PCSK2: variants seen among roughly 807,000 people sequenced by gnomAD.
The protein encoded by PCSK2 is proprotein convertase subtilisin/kexin type 2, also known as neuroendocrine convertase 2.
A neutral mutation model predicts 69.7 loss-of-function variants in PCSK2; 14 were observed. The ratio of observed to expected loss-of-function variants is 0.20; its 90% CI spans 0.13 to 0.31. PCSK2 has a LOEUF of 0.31. PCSK2 is among the 10% of genes least tolerant of loss of function. PCSK2 has a pLI of 1.00. For synonymous variants in PCSK2, 307 were observed against 320.7 expected, an observed-to-expected ratio of 0.96 and a Z score of 0.46; for missense variants, 544 against 842.5, an observed-to-expected ratio of 0.65 and a Z score of 4.39.
At chr20:17,347,845 A>AGG (rs1555789949) in intron 2 of PCSK2, among the ~76,000 whole-genome samples, 1 of 133,046 alleles carries the variant, frequency 7.5e-6, no homozygotes, top group Non-Finnish European at 1.6e-5. Context: ...AGAAAGAAAG[A>AGG]AAGAAAGAAA....
Position 17,337,797 on chromosome 20 carries a change from T to C in PCSK2, c.283-20530T>C, listed in dbSNP as rs1269594852. Among the ~76,000 whole-genome samples the C allele has an allele frequency of 2.0e-5, 3 of 151,606 alleles. No homozygotes were observed. The East Asian group carries it at 5.8e-4, about 29-fold the overall frequency. Reference sequence around the variant, plus strand: ...TTTTTTAATTAGCCAGGTATGGTGGTGCATGCCTGTAGTCCCTGCTACTCA... The same window carrying C: ...TTTTTTAATTAGCCAGGTATGGTGGCGCATGCCTGTAGTCCCTGCTACTCA... On this transcript the variant is annotated intron_variant, in intron 2 of 11. Transcript: ENST00000262545.
At position 17,263,408 on chromosome 20, in the gene PCSK2, C is replaced by A. The variant is rs541226612; in HGVS notation, c.282+3064C>A. Among the ~76,000 whole-genome samples the A allele has an allele frequency of 2.6e-5, 4 of 152,330 alleles. No individual in the cohort carries two copies. In the South Asian group the frequency reaches 6.2e-4, roughly 24 times the overall value. ...TTCCTGCTAAAAGATTAGCTGACTGCCAAGTATCATCATTTAGATGCTAAA... is the reference window on the plus strand; with the variant it reads ...TTCCTGCTAAAAGATTAGCTGACTGACAAGTATCATCATTTAGATGCTAAA... On this transcript the variant is annotated intron_variant, in intron 2 of 11. Transcript: ENST00000262545.
At chr20:17,418,355 T>A (rs1600564448) in intron 6 of PCSK2, among the ~76,000 whole-genome samples, 1 of 152,064 alleles carries the variant, frequency 6.6e-6, no homozygotes, top group East Asian at 1.9e-4. Flanking sequence ...TAGGTAGAGT[T>A]GGGAGTAGGG....
In PCSK2 at chr20:17,347,966, G is replaced by A. The variant is rs55937739; in HGVS notation, c.283-10361G>A. Among the ~76,000 whole-genome samples, 2 of 53,540 alleles carry A rather than the reference G, an allele frequency of 3.7e-5. 1 individual carries two copies. Among genetic ancestry groups the A allele is most frequent in the African/African-American group, 1.2e-4 (2 of 17,386 alleles). 35.1% of individuals were successfully genotyped at this position (53,540 alleles called of 152,430 possible). On this transcript the variant is annotated intron_variant, in intron 2 of 11. Coordinates refer to ENST00000262545, the MANE Select transcript of PCSK2 (RefSeq NM_002594.5). Reference sequence around the variant, plus strand: ...AAAGAAAGAAAGAAAGAAAGAGAAAGAAAGAAAGAAAGAAAGAGGAGAGAG... The same window carrying A: ...AAAGAAAGAAAGAAAGAAAGAGAAAAAAAGAAAGAAAGAAAGAGGAGAGAG...
chr20:17,231,718 T>G (rs188341103), intron 1 of PCSK2, among the ~76,000 whole-genome samples: 1 of 152,336 alleles, frequency 6.6e-6, no homozygotes, highest in Admixed American at 6.5e-5. Context: ...ACATTTTAGT[T>G]GGGTCCTCTG....
intron 2 of PCSK2, among the ~76,000 whole-genome samples, chr20:17,306,845 T>C (rs1989342469): frequency 1.3e-5 from 2 of 152,204 alleles, no homozygotes. Context: ...CACAACTCTT[T>C]TGCCATTAAG....
At chr20:17,341,162 C>A (rs1282592679) in intron 2 of PCSK2, among the ~76,000 whole-genome samples, 1 of 152,168 alleles carries the variant, frequency 6.6e-6, no homozygotes, top group Non-Finnish European at 1.5e-5. Context: ...ATCACTTGAA[C>A]CCAGGAGACA....
intron 2 of PCSK2, among the ~76,000 whole-genome samples, chr20:17,352,851 C>T (rs1293393768): frequency 6.6e-6 from 1 of 151,964 alleles, no homozygotes; most frequent in African/African-American, 2.4e-5. Flanking sequence ...GACAGGCGGA[C>T]CTAATTAAGG....
rs567592680 is a variant in PCSK2 at position 17,466,996 on chromosome 20, C to T, written c.1430+1443C>T. Reference sequence around the variant, plus strand: ...TCATTCTACCTTGAGAATACACCTCCGTGGCTTACATCATTTAAATGGTGG... The same window carrying T: ...TCATTCTACCTTGAGAATACACCTCTGTGGCTTACATCATTTAAATGGTGG... On this transcript the variant is annotated intron_variant, in intron 11 of 11. Coordinates refer to ENST00000262545, the MANE Select transcript of PCSK2 (RefSeq NM_002594.5). Among the ~76,000 whole-genome samples, 9 of 152,316 alleles carry T rather than the reference C, an allele frequency of 5.9e-5. No homozygotes were observed. In the South Asian group the frequency reaches 1.9e-3, roughly 32 times the overall value.
At chr20:17,408,557 T>C (rs991239230) in intron 5 of PCSK2, among the ~76,000 whole-genome samples, 3 of 152,236 alleles carry the variant, frequency 2.0e-5, no homozygotes, top group South Asian at 2.1e-4. Context: ...CAGATACTTA[T>C]TGAAGTTTGT....
At chr20:17,375,373 G>A (rs1398297530) in intron 5 of PCSK2, among the ~76,000 whole-genome samples, 1 of 152,136 alleles carries the variant, frequency 6.6e-6, no homozygotes, top group African/African-American at 2.4e-5. Flanking sequence ...AAATCTCAAA[G>A]GCTTTGAAAA....
intron 1 of PCSK2, among the ~76,000 whole-genome samples, chr20:17,252,117 A>G (rs2122978443): frequency 6.6e-6 from 1 of 152,330 alleles, no homozygotes; most frequent in South Asian, 2.1e-4. Context: ...TTCAGAAGTC[A>G]CATGGCATCA....
chr20:17,390,712 A>G (rs1003143361), intron 5 of PCSK2, among the ~76,000 whole-genome samples: 2 of 152,208 alleles, frequency 1.3e-5, no homozygotes, highest in African/African-American at 4.8e-5. Context: ...TGCCTTTTTA[A>G]TATAGAATCA....
At chr20:17,302,128 C>A (rs1989103709) in intron 2 of PCSK2, among the ~76,000 whole-genome samples, 1 of 152,018 alleles carries the variant, frequency 6.6e-6, no homozygotes, top group South Asian at 2.1e-4. Context: ...CTTCAGGCAA[C>A]CCCAGGCCTT....
chr20:17,227,541 C>T, intron 1 of PCSK2, 59 bp downstream of exon 1: 3 of 1,344,194 alleles, frequency 2.2e-6, no homozygotes, highest in Non-Finnish European at 3.2e-6. Flanking sequence ...GGGGGCAGCC[C>T]TGCGCAATCT....
chr20:17,267,583 G>A (rs1324871193), intron 2 of PCSK2, among the ~76,000 whole-genome samples: 5 of 152,132 alleles, frequency 3.3e-5, no homozygotes, highest in Admixed American at 2.6e-4. Context: ...GGGGAACAGG[G>A]GAGAATTATT....
intron 2 of PCSK2, among the ~76,000 whole-genome samples, chr20:17,355,650 A>AACACAC (rs74179105): frequency 0.22 from 33,174 of 148,468 alleles, 4,158 homozygotes; most frequent in East Asian, 0.49. Flanking sequence ...TGTGCACGCA[A>AACACAC]ACACACACAC....
chr20:17,366,749 G>C (rs1404712661), intron 4 of PCSK2, among the ~76,000 whole-genome samples: 1 of 152,136 alleles, frequency 6.6e-6, no homozygotes, highest in Non-Finnish European at 1.5e-5. Context: ...ACCAAAGTCG[G>C]TATCTGTTCT....
chr20:17,362,543 C>T (rs904312533), intron 4 of PCSK2, among the ~76,000 whole-genome samples: 7 of 152,286 alleles, frequency 4.6e-5, no homozygotes, highest in Middle Eastern at 3.4e-3. Flanking sequence ...GCCTCCCTCC[C>T]TTTCCATGGA....
Sources: allele counts gnomAD v4.1 joint callset (sites outside exome capture counted in the v4.1 genomes callset), GRCh38; gene constraint gnomAD v4.1.1; transcripts MANE v1.5; gene names NCBI Gene and HGNC (gene_info 2026-07-23, HGNC 2026-07-21).